The following TMEM108 variants were observed in gnomAD, a reference collection of about 807,000 sequenced individuals.
TMEM108 encodes the protein transmembrane protein 108.
Under a neutral mutation model 35.1 loss-of-function variants are expected in TMEM108, and 12 were observed. That is an observed-to-expected ratio of 0.34 (90% CI 0.22 to 0.55). The LOEUF is 0.55. TMEM108 is among the 20% of genes least tolerant of loss of function. The pLI is 0.89. For missense variants in TMEM108, 680 were observed against 753.3 expected (o/e 0.90, Z 1.14); for synonymous variants, 287 against 308.6 (o/e 0.93, Z 0.73).
Position 133,255,938 on chromosome 3 carries a change from G to A in TMEM108, c.40+26587G>A, listed in dbSNP as rs529986391. ...TAGAAGGCGGAGCTTGCAGTGAGCC[G>A]AGATCATGCCACTGCACTCCAGCCT... On this transcript the variant is annotated intron_variant, in intron 3 of 5. Transcript: ENST00000321871. Among the ~76,000 whole-genome samples the A allele has an allele frequency of 3.9e-5, 6 of 152,242 alleles. No individual in the cohort carries two copies. The South Asian group carries it at 8.3e-4, about 21-fold the overall frequency.
intron 2 of TMEM108, among the ~76,000 whole-genome samples, chr3:133,144,988 T>C (rs574833105): frequency 6.6e-6 from 1 of 152,366 alleles, no homozygotes; most frequent in South Asian, 2.1e-4. Flanking sequence ...TTTGTCAATG[T>C]TGGCTTTTGT....
chr3:133,323,088 G>C (rs1032427714), intron 3 of TMEM108, among the ~76,000 whole-genome samples: 1 of 152,064 alleles, frequency 6.6e-6, no homozygotes, highest in African/African-American at 2.4e-5. Context: ...CATTCCCCCT[G>C]AGAACTGGAG....
chr3:133,122,133 A>C (rs1300779815), intron 2 of TMEM108, among the ~76,000 whole-genome samples: 1 of 152,088 alleles, frequency 6.6e-6, no homozygotes, highest in Non-Finnish European at 1.5e-5. Context: ...TATGATTTCT[A>C]ATTTAGCAGC....
intron 2 of TMEM108, among the ~76,000 whole-genome samples, chr3:133,057,469 A>G (rs1351787068): frequency 2.7e-4 from 11 of 40,602 alleles, no homozygotes; most frequent in African/African-American, 5.7e-4. Context: ...ATATATATAT[A>G]TATATATATA....
At chr3:133,089,408 T>A (rs1409075275) in intron 2 of TMEM108, among the ~76,000 whole-genome samples, 1 of 152,244 alleles carries the variant, frequency 6.6e-6, no homozygotes, top group East Asian at 1.9e-4. Context: ...TTTACTCTCA[T>A]GTCCTTTGAA....
intron 2 of TMEM108, among the ~76,000 whole-genome samples, chr3:133,048,019 CTT>C (rs1943360665): frequency 6.6e-6 from 1 of 151,992 alleles, no homozygotes; most frequent in Non-Finnish European, 1.5e-5. Flanking sequence ...ATGCTGGACT[CTT>C]GAGTTTATTC....
At chr3:133,358,117 AC>A (rs1441606382) in intron 3 of TMEM108, among the ~76,000 whole-genome samples, 1 of 152,070 alleles carries the variant, frequency 6.6e-6, no homozygotes, top group Non-Finnish European at 1.5e-5. Flanking sequence ...GACTTGGGCA[AC>A]AAAAATTTCA....
intron 2 of TMEM108, among the ~76,000 whole-genome samples, chr3:133,157,160 G>C (rs1294445033): frequency 6.6e-6 from 1 of 152,092 alleles, no homozygotes; most frequent in African/African-American, 2.4e-5. Context: ...TGTTAGATTT[G>C]TTAATATCTT....
chr3:133,367,790 C>T (rs546730979), intron 3 of TMEM108, among the ~76,000 whole-genome samples: 2 of 152,332 alleles, frequency 1.3e-5, no homozygotes, highest in South Asian at 4.1e-4. Context: ...TCTTCCTGGA[C>T]ACTTGGCCAC....
intron 2 of TMEM108, among the ~76,000 whole-genome samples, chr3:133,125,797 G>A (rs1480743815): frequency 6.6e-6 from 1 of 152,194 alleles, no homozygotes; most frequent in Non-Finnish European, 1.5e-5. Flanking sequence ...GAATGTATAT[G>A]TTGGGATTAT....
rs1020932058 is a variant in TMEM108 at position 133,301,167 on chromosome 3, A to G, written c.40+71816A>G. Reference sequence around the variant, plus strand: ...CCTGTCCCTTTGATGCCAAGTACACATCCTGCAAGTCCGCAGTCAGTTCTA... The same window carrying G: ...CCTGTCCCTTTGATGCCAAGTACACGTCCTGCAAGTCCGCAGTCAGTTCTA... On this transcript the variant is annotated intron_variant, in intron 3 of 5. Coordinates refer to ENST00000321871, the MANE Select transcript of TMEM108 (RefSeq NM_023943.4). 3.9e-5 allele frequency among the ~76,000 whole-genome samples: 6 copies of G among 152,142 alleles called. 1 individual carries two copies. Among genetic ancestry groups the G allele is most frequent in the African/African-American group, 1.4e-4 (6 of 41,402 alleles).
chr3:133,354,001 G>T (rs2072086097), intron 3 of TMEM108, among the ~76,000 whole-genome samples: 1 of 152,194 alleles, frequency 6.6e-6, no homozygotes. Context: ...TAGCAATAAG[G>T]CTGCAGGAGG....
rs186779029 is a variant in TMEM108 at position 133,261,380 on chromosome 3, T to C, written c.40+32029T>C. On this transcript the variant is annotated intron_variant, in intron 3 of 5. Transcript: ENST00000321871. Reference sequence around the variant, plus strand: ...AGCAGCCCTTTAATTTCTGGATTGGTTTTGGTTTTTCTACAGCAGTAATAA... The same window carrying C: ...AGCAGCCCTTTAATTTCTGGATTGGCTTTGGTTTTTCTACAGCAGTAATAA... Among the ~76,000 whole-genome samples the C allele has an allele frequency of 5.1e-4, 78 of 152,240 alleles. 1 individual carries two copies. The highest frequency in any genetic ancestry group is 1.9e-3 in the Admixed American group (29 of 15,284).
chr3:133,154,641 C>G (rs1276704952), intron 2 of TMEM108, among the ~76,000 whole-genome samples: 1 of 151,504 alleles, frequency 6.6e-6, no homozygotes, highest in African/African-American at 2.4e-5. Flanking sequence ...TGTTCTCACT[C>G]ATAGGTGGGA....
At chr3:133,211,902 G>A (rs867791419) in intron 2 of TMEM108, among the ~76,000 whole-genome samples, 3 of 152,210 alleles carry the variant, frequency 2.0e-5, no homozygotes, top group African/African-American at 7.2e-5. Context: ...CATCTTGGTG[G>A]AACTGACAAC....
chr3:133,106,676 C>G (rs1238891581), intron 2 of TMEM108, among the ~76,000 whole-genome samples: 1 of 152,160 alleles, frequency 6.6e-6, no homozygotes, highest in Non-Finnish European at 1.5e-5. Context: ...TCTGTCATTC[C>G]AAGGGAAAAT....
chr3:133,264,275 G>A (rs1476208435), intron 3 of TMEM108, among the ~76,000 whole-genome samples: 2 of 151,554 alleles, frequency 1.3e-5, no homozygotes, highest in South Asian at 2.1e-4. Context: ...ACTGTATTTC[G>A]GCCTAGGCAA....
chr3:133,223,441 C>T (rs1203905677), intron 2 of TMEM108, among the ~76,000 whole-genome samples: 3 of 152,106 alleles, frequency 2.0e-5, no homozygotes, highest in East Asian at 1.9e-4. Context: ...TAGGCATGGG[C>T]CTGGAGCATG....
intron 3 of TMEM108, among the ~76,000 whole-genome samples, chr3:133,374,686 C>G (rs1320105816): frequency 6.6e-6 from 1 of 151,866 alleles, no homozygotes; most frequent in African/African-American, 2.4e-5. Context: ...GGCTTCCAGT[C>G]CTTTTATTGT....
Sources: gnomAD v4.1 joint callset for allele counts (sites outside exome capture counted in the v4.1 genomes callset) on GRCh38, gnomAD v4.1.1 for gene constraint, MANE v1.5 for transcripts, NCBI Gene and HGNC (gene_info 2026-07-23, HGNC 2026-07-21) for gene names.